The following NFASC variants were observed in gnomAD, a reference collection of about 807,000 sequenced individuals.
NFASC encodes neurofascin.
In NFASC, 43 loss-of-function variants were observed where a neutral mutation model predicts 147.5. The ratio of observed to expected loss-of-function variants is 0.29; its 90% confidence interval spans 0.23 to 0.38. The LOEUF (loss-of-function observed/expected upper bound fraction) is 0.38, where lower values mean the gene tolerates loss of function less well. Among genes scored for constraint, NFASC ranks in the 10% least tolerant of loss-of-function variants. NFASC has a pLI of 1.00. For missense variants in NFASC, 1,320 were observed against 1,689.0 expected, an observed-to-expected ratio of 0.78 and a Z score of 3.83; for synonymous variants, 622 against 665.5, an observed-to-expected ratio of 0.93 and a Z score of 1.01.
At chr1:204,980,698 T>C (rs17415295) in intron 20 of NFASC, among the ~76,000 whole-genome samples, 13,574 of 152,198 alleles carry the variant, frequency 0.089, 831 homozygotes, top group South Asian at 0.12. Flanking sequence ...ACTGCCAGTC[T>C]AGCAAAACGC....
intron 3 of NFASC, among the ~76,000 whole-genome samples, chr1:204,945,988 T>C (rs1268101051): frequency 6.6e-6 from 1 of 152,158 alleles, no homozygotes; most frequent in Non-Finnish European, 1.5e-5. Context: ...TAGATGGCTT[T>C]GGTGTCTATC....
At chr1:204,857,758 T>A (rs1378566341) in intron 1 of NFASC, among the ~76,000 whole-genome samples, 2 of 152,054 alleles carry the variant, frequency 1.3e-5, no homozygotes, top group Non-Finnish European at 2.9e-5. Flanking sequence ...AGAAACTTCT[T>A]TCCCCACAAT....
intron 2 of NFASC, among the ~76,000 whole-genome samples, chr1:204,928,375 G>T (rs1166516373): frequency 2.6e-5 from 4 of 152,126 alleles, no homozygotes; most frequent in African/African-American, 9.7e-5. Flanking sequence ...TAGAGTCGGC[G>T]ATGTCCTCCC....
chr1:204,988,608 A>T, intron 22 of NFASC, 25 bp from the exon 23 acceptor site: 1 of 1,610,238 alleles, frequency 6.2e-7, no homozygotes, highest in East Asian at 2.2e-5. Context: ...CTAAAGTTTA[A>T]TTCCACTTAC....
intron 1 of NFASC, among the ~76,000 whole-genome samples, chr1:204,920,309 T>C (rs1165429431): frequency 6.6e-6 from 1 of 152,172 alleles, no homozygotes; most frequent in Non-Finnish European, 1.5e-5. Context: ...GGAGAGATTC[T>C]TCGAGGTATG....
chr1:204,877,277 G>A (rs539860150), intron 1 of NFASC, among the ~76,000 whole-genome samples: 2 of 151,440 alleles, frequency 1.3e-5, no homozygotes, highest in South Asian at 2.1e-4. Context: ...ACATTTAAAC[G>A]CATTAAAATT....
At chr1:204,917,992 T>C (rs1012758634) in intron 1 of NFASC, among the ~76,000 whole-genome samples, 2 of 152,166 alleles carry the variant, frequency 1.3e-5, no homozygotes, top group African/African-American at 4.8e-5. Context: ...CTAAAACATA[T>C]GAAGGACATA....
At chr1:204,914,430 T>C (rs2088625220) in intron 1 of NFASC, among the ~76,000 whole-genome samples, 1 of 152,228 alleles carries the variant, frequency 6.6e-6, no homozygotes, top group Non-Finnish European at 1.5e-5. Context: ...CCTGCCACCA[T>C]GTGAAGAAGG....
rs6700580 is a variant in NFASC, at chr1:204,918,805, C to T, written c.-199-1827C>T. ...TTCACCATGTTGGTCAGGCTGGTCT[C>T]GAACTCCTGACCTCAAGTGATCTGC... is the stretch of plus-strand genomic sequence containing the variant. On this transcript the variant is annotated intron_variant, in intron 1 of 29. Transcript: ENST00000339876. Among the ~76,000 whole-genome samples the T allele has an allele frequency of 9.2e-3, 1,394 of 152,090 alleles. 24 individuals are homozygous for T. The highest frequency in any genetic ancestry group is 0.032 in the African/African-American group (1,313 of 41,516).
chr1:204,985,174 G>A (rs139727619), intron 21 of NFASC, among the ~76,000 whole-genome samples: 46 of 152,270 alleles, frequency 3.0e-4, no homozygotes, highest in East Asian at 1.5e-3. Context: ...AGACACTGGC[G>A]TGGCCAACTG....
chr1:204,937,699 C>T (rs1369865692), intron 2 of NFASC, among the ~76,000 whole-genome samples: 2 of 152,198 alleles, frequency 1.3e-5, no homozygotes, highest in Admixed American at 6.5e-5. Context: ...GATGGGAGAA[C>T]GTCCTGGTTG....
In NFASC at chr1:204,976,744, G is replaced by A. The variant is rs781458504; in HGVS notation, c.1780G>A (p.Ala594Thr). The change falls in exon 16 of 30, where the codon GCC becomes ACC. Residue 594 changes from alanine to threonine, a missense_variant. By Grantham distance (58) the Ala-to-Thr change is moderately conservative. Coordinates refer to ENST00000339876, the MANE Select transcript of NFASC (RefSeq NM_001005388.3). ...GGACCAGGGCAGTTACACGTGTGTC[G>A]CCAGCACCGAGCTAGACCAAGACCT... ...ERDQGSYTCV[A>T]STELDQDLAK... is the part of the protein sequence containing the mutation. 33 of 1,614,042 alleles carry A rather than the reference G, an allele frequency of 2.0e-5. No individual in the cohort carries two copies. The African/African-American group carries it at 2.5e-4, about 12-fold the overall frequency.
chr1:204,933,819 G>A (rs1202096480), intron 2 of NFASC, among the ~76,000 whole-genome samples: 1 of 152,040 alleles, frequency 6.6e-6, no homozygotes, highest in African/African-American at 2.4e-5. Context: ...GAGGCTGTGG[G>A]ATACAGAGAA....
Position 205,016,846 on chromosome 1 carries a change from C to A in NFASC, c.*307C>A. 1 of 462,910 alleles carries A rather than the reference C, an allele frequency of 2.2e-6. No homozygotes were observed. The highest frequency in any genetic ancestry group is 4.0e-6 in the Non-Finnish European group (1 of 248,716). The allele number at this position is 462,910 out of a possible 1,614,324, so 28.7% of individuals were successfully genotyped here. A position where few individuals can be genotyped will look rare whatever the true frequency, so the allele number is the denominator to read the frequency against. On this transcript the variant is annotated 3_prime_UTR_variant, in exon 30 of 30. Transcript: ENST00000339876. The surrounding 1 kb of genome is among the most constrained non-coding windows in gnomAD (Gnocchi z 5.1). ...CGAGCGTTCCACCACACTGTCCGCC[C>A]TTGGCCTCGGCACACGCTCACCTTT...
At chr1:204,842,286 GA>G (rs1477688991) in intron 1 of NFASC, among the ~76,000 whole-genome samples, 4 of 152,142 alleles carry the variant, frequency 2.6e-5, no homozygotes, top group Non-Finnish European at 5.9e-5. Flanking sequence ...TGTATTTCCT[GA>G]AATTCTTCAG....
chr1:204,919,291 C>T (rs1488145729), intron 1 of NFASC, among the ~76,000 whole-genome samples: 2 of 152,194 alleles, frequency 1.3e-5, no homozygotes, highest in African/African-American at 4.8e-5. Context: ...TCCCAAAGTG[C>T]TAGGATTACA....
intron 1 of NFASC, among the ~76,000 whole-genome samples, chr1:204,901,583 A>G (rs1463204977): frequency 6.6e-6 from 1 of 152,056 alleles, no homozygotes. Context: ...TCTTGATTGG[A>G]ATGGATTTAA....
At chr1:204,880,934 GTT>G (rs1237491925) in intron 1 of NFASC, among the ~76,000 whole-genome samples, 2 of 152,210 alleles carry the variant, frequency 1.3e-5, no homozygotes, top group Non-Finnish European at 2.9e-5. Context: ...TCTTTCAGGA[GTT>G]TCAGGCCTCC....
At chr1:205,014,343 AG>A (rs999782056) in intron 29 of NFASC, among the ~76,000 whole-genome samples, 17 of 152,160 alleles carry the variant, frequency 1.1e-4, no homozygotes, top group African/African-American at 4.1e-4. Flanking sequence ...TCCATCCTAG[AG>A]CCCTCCCTTG....
Sources: gnomAD v4.1 joint callset for allele counts (sites outside exome capture counted in the v4.1 genomes callset) on GRCh38, gnomAD v4.1.1 for gene constraint, Gnocchi (gnomAD v3.1) non-coding constraint, MANE v1.5 for transcripts, NCBI Gene and HGNC (gene_info 2026-07-23, HGNC 2026-07-21) for gene names.